WWOX: variants seen among roughly 807,000 people sequenced by gnomAD.
WWOX encodes the protein WW domain containing oxidoreductase.
A neutral mutation model predicts 46.2 loss-of-function variants in WWOX; 69 were observed. That is an observed-to-expected ratio of 1.49 (90% CI 1.23 to 1.82). The LOEUF (loss-of-function observed/expected upper bound fraction) is 1.82, where lower values mean the gene tolerates loss of function less well. Ranked by LOEUF, WWOX falls within the 40% of genes most tolerant of loss-of-function variation. The pLI, the probability that WWOX is intolerant of heterozygous loss-of-function variation, is 0.00. For missense variants in WWOX, 919 were observed against 542.6 expected (o/e 1.69, Z -6.89); for synonymous variants, 359 against 202.6 (o/e 1.77, Z -6.56).
At chr16:78,960,312 C>A (rs368525324) in intron 8 of WWOX, among the ~76,000 whole-genome samples, 1 of 152,146 alleles carries the variant, frequency 6.6e-6, no homozygotes, top group East Asian at 1.9e-4. Context: ...TATTTTCTAG[C>A]GTAACGTTTG....
intron 8 of WWOX, among the ~76,000 whole-genome samples, chr16:79,051,656 C>T (rs1262547411): frequency 6.6e-6 from 1 of 152,184 alleles, no homozygotes; most frequent in African/African-American, 2.4e-5. Context: ...TTCATGCCAG[C>T]AATTGAATTT....
At chr16:78,652,426 A>AAAAAAG (rs1420602362) in intron 8 of WWOX, among the ~76,000 whole-genome samples, 2,424 of 129,846 alleles carry the variant, frequency 0.019, 33 homozygotes, top group Middle Eastern at 0.032. Flanking sequence ...AAAAAAAAAA[A>AAAAAAG]AAAAAGAAAA....
chr16:79,023,182 A>G (rs2047569044), intron 8 of WWOX, among the ~76,000 whole-genome samples: 1 of 152,216 alleles, frequency 6.6e-6, no homozygotes, highest in Non-Finnish European at 1.5e-5. Flanking sequence ...ACCTAATGGA[A>G]AGCTTGAAAG....
rs112329887 is a variant in WWOX at position 78,141,336 on chromosome 16, G to T, written c.410-22847G>T. Among the ~76,000 whole-genome samples, 973 of 151,072 alleles carry T rather than the reference G, an allele frequency of 6.4e-3. 13 individuals are homozygous for T. The highest frequency in any genetic ancestry group is 0.023 in the African/African-American group (927 of 41,194). On this transcript the variant is annotated intron_variant, in intron 4 of 8. Coordinates refer to ENST00000566780, the MANE Select transcript of WWOX (RefSeq NM_016373.4). ...GTTTTGTCAAGTATACAACACTTCT[G>T]TTTATCTTTAAAGGGAACAAATAGT... is the stretch of plus-strand genomic sequence containing the variant.
intron 8 of WWOX, among the ~76,000 whole-genome samples, chr16:78,801,711 G>A (rs1200259573): frequency 6.6e-6 from 1 of 152,102 alleles, no homozygotes; most frequent in Non-Finnish European, 1.5e-5. Flanking sequence ...CTTCCGAGCA[G>A]GTGCACCCCC....
intron 5 of WWOX, among the ~76,000 whole-genome samples, chr16:78,363,329 A>G (rs2081453798): frequency 6.6e-6 from 1 of 151,268 alleles, no homozygotes; most frequent in Non-Finnish European, 1.5e-5. Context: ...GCTGCAGTGC[A>G]GTGGCGCGAT....
At chr16:78,756,913 C>T (rs1224414506) in intron 8 of WWOX, 5 of 702,994 alleles carry the variant, frequency 7.1e-6, no homozygotes, top group Non-Finnish European at 1.3e-5. Flanking sequence ...AGGCTTCTGC[C>T]TTACTGATGT....
intron 8 of WWOX, among the ~76,000 whole-genome samples, chr16:79,053,133 C>G (rs150721973): frequency 6.6e-6 from 1 of 152,250 alleles, no homozygotes; most frequent in African/African-American, 2.4e-5. Flanking sequence ...AGAGGTAAAA[C>G]ATGAACTCAA....
intron 8 of WWOX, among the ~76,000 whole-genome samples, chr16:78,438,526 C>G (rs2083380353): frequency 6.6e-6 from 1 of 152,016 alleles, no homozygotes. Flanking sequence ...CAGGTCCAAG[C>G]CGGTCCTTTG....
At chr16:78,499,716 T>A (rs2085012069) in intron 8 of WWOX, among the ~76,000 whole-genome samples, 1 of 152,308 alleles carries the variant, frequency 6.6e-6, no homozygotes, top group African/African-American at 2.4e-5. Context: ...TTTTTTTTAA[T>A]CTGTAGCTCC....
At chr16:78,669,944 C>G (rs754011663) in intron 8 of WWOX, among the ~76,000 whole-genome samples, 3 of 152,106 alleles carry the variant, frequency 2.0e-5, no homozygotes, top group Non-Finnish European at 4.4e-5. Flanking sequence ...TAGAACAAGT[C>G]CTCTCAAAAT....
intron 8 of WWOX, among the ~76,000 whole-genome samples, chr16:78,662,222 G>A (rs1423033921): frequency 1.3e-5 from 2 of 152,064 alleles, no homozygotes; most frequent in Non-Finnish European, 2.9e-5. Context: ...TTGTATAACC[G>A]AGGCCAGATC....
At chr16:78,184,764 T>C (rs1161450219) in intron 5 of WWOX, among the ~76,000 whole-genome samples, 1 of 152,160 alleles carries the variant, frequency 6.6e-6, no homozygotes, top group Non-Finnish European at 1.5e-5. Context: ...ATAGCAGATG[T>C]GATAAGCCCT....
At chr16:78,959,736 T>C (rs2046237568) in intron 8 of WWOX, among the ~76,000 whole-genome samples, 1 of 152,160 alleles carries the variant, frequency 6.6e-6, no homozygotes, top group Non-Finnish European at 1.5e-5. Flanking sequence ...CTAGGAGCCT[T>C]TCCATGACCA....
intron 4 of WWOX, among the ~76,000 whole-genome samples, chr16:78,158,372 C>T (rs529326806): frequency 7.9e-4 from 121 of 152,206 alleles, no homozygotes; most frequent in African/African-American, 2.9e-3. Flanking sequence ...TCTATAGGGT[C>T]TTCCACCACA....
intron 8 of WWOX, among the ~76,000 whole-genome samples, chr16:78,998,741 G>T (rs2134999): frequency 0.68 from 103,470 of 152,134 alleles, 36,487 homozygotes; most frequent in East Asian, 0.85. Flanking sequence ...TACATTGAAA[G>T]GTGGAAACAA....
intron 6 of WWOX, among the ~76,000 whole-genome samples, chr16:78,388,859 C>G (rs962331923): frequency 6.6e-6 from 1 of 151,444 alleles, no homozygotes; most frequent in Non-Finnish European, 1.5e-5. Context: ...ATCCCAGCTA[C>G]TTGGGAGGCT....
At chr16:78,378,837 A>G (rs2151927611) in intron 5 of WWOX, among the ~76,000 whole-genome samples, 1 of 152,352 alleles carries the variant, frequency 6.6e-6, no homozygotes, top group Non-Finnish European at 1.5e-5. Flanking sequence ...CTTCTCTTGT[A>G]AATTCTAACT....
intron 8 of WWOX, among the ~76,000 whole-genome samples, chr16:79,178,661 G>A (rs193025709): frequency 8.2e-4 from 124 of 152,114 alleles, no homozygotes; most frequent in Non-Finnish European, 1.3e-3. Context: ...TCCAATCTTC[G>A]AAGAATCCGT....
Sources: allele counts gnomAD v4.1 joint callset (sites outside exome capture counted in the v4.1 genomes callset), GRCh38; gene constraint gnomAD v4.1.1; transcripts MANE v1.5; gene names NCBI Gene and HGNC (gene_info 2026-07-23, HGNC 2026-07-21).